INPP4B: variants seen among roughly 807,000 people sequenced by gnomAD.
INPP4B encodes inositol polyphosphate 4-phosphatase type II.
In INPP4B, 55 loss-of-function variants were observed where a neutral mutation model predicts 122.5. That is an observed-to-expected ratio of 0.45 (90% CI 0.36 to 0.56). The LOEUF is 0.56. Among genes scored for constraint, INPP4B ranks in the 20% least tolerant of loss-of-function variants. The pLI is 0.00. For missense variants in INPP4B, 1,000 were observed against 1,097.7 expected, an observed-to-expected ratio of 0.91 and a Z score of 1.26; for synonymous variants, 403 against 388.7, an observed-to-expected ratio of 1.04 and a Z score of -0.43.
At chr4:142,784,220 G>GCC (rs1561065439) in intron 1 of INPP4B, among the ~76,000 whole-genome samples, 1 of 151,790 alleles carries the variant, frequency 6.6e-6, no homozygotes, top group Admixed American at 6.6e-5. Flanking sequence ...AAAATTAGCC[G>GCC]GGCGTGGTGG....
At chr4:142,460,969 A>G (rs1485749487) in intron 3 of INPP4B, among the ~76,000 whole-genome samples, 1 of 152,114 alleles carries the variant, frequency 6.6e-6, no homozygotes, top group Non-Finnish European at 1.5e-5. Context: ...ATTTGAGCTC[A>G]GGGGTTCAAG....
intron 2 of INPP4B, among the ~76,000 whole-genome samples, chr4:142,719,406 C>T (rs1764213848): frequency 6.6e-6 from 1 of 151,944 alleles, no homozygotes; most frequent in African/African-American, 2.4e-5. Flanking sequence ...TCCCTGCTGC[C>T]TCAACCTCTC....
intron 1 of INPP4B, among the ~76,000 whole-genome samples, chr4:142,732,498 A>T (rs1766254083): frequency 6.6e-6 from 1 of 152,106 alleles, no homozygotes. Context: ...TAAATTTAGC[A>T]ATGTTACTGA....
At chr4:142,312,294 G>A (rs1765813049) in intron 8 of INPP4B, among the ~76,000 whole-genome samples, 1 of 152,120 alleles carries the variant, frequency 6.6e-6, no homozygotes, top group South Asian at 2.1e-4. Flanking sequence ...ATAAAGCTAG[G>A]GCTAGAAGAG....
intron 2 of INPP4B, among the ~76,000 whole-genome samples, chr4:142,651,219 C>T (rs1200026420): frequency 1.3e-5 from 2 of 152,008 alleles, no homozygotes; most frequent in Non-Finnish European, 2.9e-5. Flanking sequence ...ACAGCTAAAG[C>T]CATGTTTGGA....
chr4:142,323,291 G>A (rs1272079187), intron 7 of INPP4B, among the ~76,000 whole-genome samples: 2 of 152,132 alleles, frequency 1.3e-5, no homozygotes, highest in Non-Finnish European at 2.9e-5. Context: ...ATTTTGGTAA[G>A]ATTCCCAATT....
chr4:142,293,640 A>T (rs1394245825), intron 9 of INPP4B, among the ~76,000 whole-genome samples: 1 of 152,126 alleles, frequency 6.6e-6, no homozygotes, highest in East Asian at 1.9e-4. Flanking sequence ...CCCTGACTCA[A>T]TCCTTTATCT....
intron 7 of INPP4B, among the ~76,000 whole-genome samples, chr4:142,361,398 C>T (rs1785352127): frequency 1.3e-5 from 2 of 151,976 alleles, no homozygotes; most frequent in South Asian, 4.1e-4. Context: ...AGAGGCACTG[C>T]TATTTCCCTA....
intron 25 of INPP4B, among the ~76,000 whole-genome samples, chr4:142,069,791 T>C (rs544794523): frequency 1.3e-5 from 2 of 152,120 alleles, no homozygotes; most frequent in Non-Finnish European, 2.9e-5. Context: ...CAGGAAGAAG[T>C]TGAATCCCTG....
chr4:142,372,754 C>T (rs1219876210), intron 7 of INPP4B, among the ~76,000 whole-genome samples: 1 of 151,976 alleles, frequency 6.6e-6, no homozygotes, highest in Admixed American at 6.6e-5. Flanking sequence ...TGACGGCATC[C>T]TTTCCATTTC....
chr4:142,505,800 A>T (rs1443802368), intron 2 of INPP4B, among the ~76,000 whole-genome samples: 1 of 152,170 alleles, frequency 6.6e-6, no homozygotes, highest in African/African-American at 2.4e-5. Flanking sequence ...CAAGAAAGTT[A>T]AAATCCTTAG....
At chr4:142,148,265 G>A (rs958246772) in intron 17 of INPP4B, among the ~76,000 whole-genome samples, 10 of 152,022 alleles carry the variant, frequency 6.6e-5, no homozygotes, top group South Asian at 2.1e-4. Flanking sequence ...GTGCACTTGC[G>A]CATGTATGTG....
rs565495692 is a variant in INPP4B at position 142,542,228 on chromosome 4, T to TA, written c.-190-79503dup. 2.6e-4 allele frequency among the ~76,000 whole-genome samples: 39 copies of TA among 152,318 alleles called. No individual in the cohort carries two copies. In the East Asian group the frequency reaches 4.4e-3, roughly 17 times the overall value. ...TTATTGGATAATAGTGGTTGATACT[T>TA]ACAAATATTATTCTTATATTTCTTA... On this transcript the variant is annotated intron_variant, in intron 2 of 25. Transcript: ENST00000262992.
At chr4:142,168,363 G>A (rs1407947442) in intron 16 of INPP4B, among the ~76,000 whole-genome samples, 2 of 151,440 alleles carry the variant, frequency 1.3e-5, no homozygotes, top group Non-Finnish European at 3.0e-5. Flanking sequence ...TGCTTAGTAT[G>A]TGCTTGTTGG....
At chr4:142,596,803 C>T (rs1455786706) in intron 2 of INPP4B, among the ~76,000 whole-genome samples, 1 of 152,188 alleles carries the variant, frequency 6.6e-6, no homozygotes, top group East Asian at 1.9e-4. Flanking sequence ...TTGCCCTGGC[C>T]AGTTCTTTGT....
intron 7 of INPP4B, among the ~76,000 whole-genome samples, chr4:142,315,435 T>G (rs1159265997): frequency 6.6e-6 from 1 of 152,008 alleles, no homozygotes; most frequent in Admixed American, 6.6e-5. Flanking sequence ...TCCAAAAAGG[T>G]GTTCTAGCTG....
intron 25 of INPP4B, among the ~76,000 whole-genome samples, chr4:142,071,420 G>T (rs1265827350): frequency 6.6e-6 from 1 of 152,114 alleles, no homozygotes; most frequent in African/African-American, 2.4e-5. Context: ...CAGGACATAG[G>T]CATGGGCAAG....
chr4:142,330,185 T>C (rs1043511771), intron 7 of INPP4B, among the ~76,000 whole-genome samples: 1 of 152,172 alleles, frequency 6.6e-6, no homozygotes, highest in South Asian at 2.1e-4. Context: ...CAAAGACCCA[T>C]GAAGAGCAAA....
chr4:142,385,742 G>A (rs1259952225), intron 7 of INPP4B, among the ~76,000 whole-genome samples: 1 of 152,080 alleles, frequency 6.6e-6, no homozygotes, highest in South Asian at 2.1e-4. Context: ...GATTTTACTT[G>A]TGTATTTTTT....
Sources: gnomAD v4.1 joint callset for allele counts (sites outside exome capture counted in the v4.1 genomes callset) on GRCh38, gnomAD v4.1.1 for gene constraint, MANE v1.5 for transcripts, NCBI Gene and HGNC (gene_info 2026-07-23, HGNC 2026-07-21) for gene names.